Variants in KCNQ3 observed in about 807,000 individuals in gnomAD.
KCNQ3 encodes the protein potassium voltage-gated channel subfamily KQT member 3.
In KCNQ3, 30 loss-of-function variants were observed where a neutral mutation model predicts 92.5. The ratio of observed to expected loss-of-function variants is 0.32; its 90% CI spans 0.24 to 0.44. The LOEUF is 0.44. Ranked by LOEUF, KCNQ3 falls within the 20% of genes least tolerant of loss-of-function variation. The probability of loss-of-function intolerance (pLI) is 1.00; values close to 1 mark genes in which losing one functional copy is unlikely to be tolerated. For missense variants in KCNQ3, 913 were observed against 1,140.3 expected (o/e 0.80, Z 2.87); for synonymous variants, 450 against 468.8 (o/e 0.96, Z 0.52).
At chr8:132,177,013 G>C (rs966644910) in intron 4 of KCNQ3, among the ~76,000 whole-genome samples, 1 of 152,170 alleles carries the variant, frequency 6.6e-6, no homozygotes, top group African/African-American at 2.4e-5. Context: ...ATTTGAGGAC[G>C]GAAACGTACA....
intron 1 of KCNQ3, among the ~76,000 whole-genome samples, chr8:132,246,934 T>C (rs527381360): frequency 6.6e-6 from 1 of 152,350 alleles, no homozygotes; most frequent in South Asian, 2.1e-4. Flanking sequence ...AGCCCCATCA[T>C]AAAGTTCATG....
intron 1 of KCNQ3, among the ~76,000 whole-genome samples, chr8:132,389,920 G>A (rs1438721705): frequency 1.3e-5 from 2 of 152,156 alleles, no homozygotes; most frequent in African/African-American, 4.8e-5. Context: ...TGTGTACCTA[G>A]GTACAAACTT....
At chr8:132,184,189 GC>G (rs1237322426) in intron 3 of KCNQ3, 51 bp downstream of exon 3, 8 of 1,611,208 alleles carry the variant, frequency 5.0e-6, no homozygotes, top group Non-Finnish European at 6.8e-6. Flanking sequence ...GAGAAACAAT[GC>G]CCCAAAAGAA....
intron 9 of KCNQ3, among the ~76,000 whole-genome samples, chr8:132,144,594 T>G (rs988982218): frequency 1.3e-5 from 2 of 152,190 alleles, no homozygotes; most frequent in African/African-American, 2.4e-5. Context: ...ATAGGTGGAC[T>G]GGGCATGGAA....
chr8:132,132,087 TAA>T (rs533420153), intron 14 of KCNQ3, 91 bp downstream of exon 14: 456 of 775,014 alleles, frequency 5.9e-4, no homozygotes, highest in Admixed American at 7.5e-4. Flanking sequence ...ACCTTCGTCT[TAA>T]AAAAAAAAAA....
At chr8:132,456,603 AT>A (rs773864088) in intron 1 of KCNQ3, among the ~76,000 whole-genome samples, 15,340 of 149,882 alleles carry the variant, frequency 0.1, 836 homozygotes, top group African/African-American at 0.16. Context: ...TTTTTTTTTT[AT>A]TTTATTTATT....
chr8:132,391,638 A>T (rs1820049640), intron 1 of KCNQ3, among the ~76,000 whole-genome samples: 1 of 152,168 alleles, frequency 6.6e-6, no homozygotes, highest in Non-Finnish European at 1.5e-5. Context: ...GAGTAGGAAA[A>T]ATCCTTTCCC....
intron 3 of KCNQ3, among the ~76,000 whole-genome samples, chr8:132,183,776 CTCTGTTTCTATT>C (rs1426673590): frequency 1.3e-5 from 2 of 152,290 alleles, no homozygotes; most frequent in Admixed American, 1.3e-4. Context: ...ATCTGTGATC[CTCTGTTTCTATT>C]TCTGTACAAT....
intron 1 of KCNQ3, among the ~76,000 whole-genome samples, chr8:132,370,269 T>C (rs1586963057): frequency 6.6e-6 from 1 of 152,224 alleles, no homozygotes; most frequent in East Asian, 1.9e-4. Context: ...CAGCACAATG[T>C]TTGAGCAACA....
chr8:132,252,235 G>T (rs1815437397), intron 1 of KCNQ3, among the ~76,000 whole-genome samples: 1 of 152,288 alleles, frequency 6.6e-6, no homozygotes, highest in South Asian at 2.1e-4. Flanking sequence ...CTCATGGTGA[G>T]TGCTACAGTT....
intron 1 of KCNQ3, among the ~76,000 whole-genome samples, chr8:132,351,432 T>C (rs1818861633): frequency 6.6e-6 from 1 of 152,100 alleles, no homozygotes; most frequent in Non-Finnish European, 1.5e-5. Flanking sequence ...CTGCCCCAAC[T>C]CTCTAATTTC....
chr8:132,243,888 G>T (rs2130416406), intron 1 of KCNQ3, among the ~76,000 whole-genome samples: 1 of 152,298 alleles, frequency 6.6e-6, no homozygotes, highest in Middle Eastern at 3.4e-3. Flanking sequence ...TCATGCTCTA[G>T]ATATTATCAT....
intron 1 of KCNQ3, among the ~76,000 whole-genome samples, chr8:132,301,377 A>AT (rs1337142347): frequency 1.3e-5 from 2 of 152,114 alleles, no homozygotes; most frequent in African/African-American, 2.4e-5. Context: ...CCTGCCTGTC[A>AT]TACCTTCTTT....
intron 1 of KCNQ3, among the ~76,000 whole-genome samples, chr8:132,307,366 T>A (rs1285240730): frequency 6.6e-6 from 1 of 152,128 alleles, no homozygotes; most frequent in South Asian, 2.1e-4. Flanking sequence ...TGTGGCTGAT[T>A]CAAGAGGGAG....
chr8:132,131,816 A>G (rs1043015916), intron 14 of KCNQ3, among the ~76,000 whole-genome samples: 4 of 152,106 alleles, frequency 2.6e-5, no homozygotes, highest in African/African-American at 9.7e-5. Flanking sequence ...GACTGGGCGC[A>G]GTGGCTCATG....
intron 1 of KCNQ3, among the ~76,000 whole-genome samples, chr8:132,313,509 A>C (rs1024880726): frequency 1.2e-4 from 18 of 152,212 alleles, no homozygotes; most frequent in Non-Finnish European, 2.5e-4. Context: ...GAATGCTACA[A>C]GGGTTTAGAG....
chr8:132,345,753 G>A (rs1586944712), intron 1 of KCNQ3, among the ~76,000 whole-genome samples: 1 of 152,154 alleles, frequency 6.6e-6, no homozygotes, highest in East Asian at 1.9e-4. Context: ...CACATAATAA[G>A]AGCTCAGTAA....
intron 9 of KCNQ3, among the ~76,000 whole-genome samples, chr8:132,162,704 T>TA (rs1826027002): frequency 6.6e-6 from 1 of 152,078 alleles, no homozygotes; most frequent in African/African-American, 2.4e-5. Context: ...CTCTTCCAAG[T>TA]GGGATTTTGT....
chr8:132,467,089 G>C (rs1172117900), intron 1 of KCNQ3, among the ~76,000 whole-genome samples: 1 of 152,162 alleles, frequency 6.6e-6, no homozygotes, highest in Non-Finnish European at 1.5e-5. Flanking sequence ...GGAAGGCAGG[G>C]AAAATTAGGT....
Sources: allele counts gnomAD v4.1 joint callset (sites outside exome capture counted in the v4.1 genomes callset), GRCh38; gene constraint gnomAD v4.1.1; transcripts MANE v1.5; gene names NCBI Gene and HGNC (gene_info 2026-07-23, HGNC 2026-07-21).